Variants in CTNNA2 observed in about 807,000 individuals in gnomAD.
The protein encoded by CTNNA2 is catenin alpha-2.
Under a neutral mutation model 101.0 loss-of-function variants are expected in CTNNA2, and 42 were observed. The observed-to-expected ratio is 0.42, with a 90% CI of 0.32 to 0.54. The LOEUF (loss-of-function observed/expected upper bound fraction) is 0.54, where lower values mean the gene tolerates loss of function less well. Among genes scored for constraint, CTNNA2 ranks in the 20% least tolerant of loss-of-function variants. The pLI, the probability that CTNNA2 is intolerant of heterozygous loss-of-function variation, is 0.14. For synonymous variants in CTNNA2, 450 were observed against 456.4 expected (o/e 0.99, Z 0.18); for missense variants, 871 against 1,223.1 (o/e 0.71, Z 4.29).
chr2:80,503,620 T>G lies in CTNNA2; in HGVS notation c.1291-41362T>G, dbSNP rs139965692. ...CTCTTAGAGACCTAATTCAGTGCTT[T>G]AAGTTTCTGATGGGCCTTTATTATG... On this transcript the variant is annotated intron_variant, in intron 9 of 18. Transcript: ENST00000402739. 4.9e-4 allele frequency among the ~76,000 whole-genome samples: 74 copies of G among 152,246 alleles called. No individual in the cohort carries two copies. In the East Asian group the frequency reaches 0.012, roughly 25 times the overall value.
At chr2:80,479,641 A>G (rs1021672433) in intron 9 of CTNNA2, among the ~76,000 whole-genome samples, 6 of 152,164 alleles carry the variant, frequency 3.9e-5, no homozygotes, top group African/African-American at 1.4e-4. Flanking sequence ...ATAGGCAGAT[A>G]TGGAGGAAAG....
chr2:79,239,926 C>A (rs1001680426), intron 2 of CTNNA2, among the ~76,000 whole-genome samples: 1 of 128,108 alleles, frequency 7.8e-6, no homozygotes, highest in African/African-American at 2.8e-5. Context: ...GGCCAGTTTT[C>A]TTTTTCTTTC....
At chr2:79,441,316 T>A (rs76663904) in intron 4 of CTNNA2, among the ~76,000 whole-genome samples, 1 of 152,216 alleles carries the variant, frequency 6.6e-6, no homozygotes, top group Admixed American at 6.5e-5. Flanking sequence ...ATATGTATCA[T>A]CTCTACAACT....
chr2:79,753,267 G>A (rs1291889226), intron 3 of CTNNA2, among the ~76,000 whole-genome samples: 3 of 152,172 alleles, frequency 2.0e-5, no homozygotes, highest in Non-Finnish European at 2.9e-5. Flanking sequence ...TATATGGTAT[G>A]TAACTGCATC....
intron 7 of CTNNA2, among the ~76,000 whole-genome samples, chr2:80,141,661 C>T (rs928275439): frequency 6.6e-6 from 1 of 151,960 alleles, no homozygotes; most frequent in Non-Finnish European, 1.5e-5. Context: ...GCAGGGATCA[C>T]TCTTAGGGGT....
chr2:79,368,654 G>A (rs1677802745), intron 3 of CTNNA2, among the ~76,000 whole-genome samples: 1 of 152,150 alleles, frequency 6.6e-6, no homozygotes, highest in Non-Finnish European at 1.5e-5. Context: ...CACATGACAG[G>A]CTTATTAGAG....
At chr2:80,506,382 T>A (rs1688280839) in intron 9 of CTNNA2, among the ~76,000 whole-genome samples, 1 of 151,950 alleles carries the variant, frequency 6.6e-6, no homozygotes, top group African/African-American at 2.4e-5. Flanking sequence ...CAAAAAATAA[T>A]GTTAGTGGGG....
intron 7 of CTNNA2, among the ~76,000 whole-genome samples, chr2:80,337,026 C>T (rs1245930614): frequency 6.6e-6 from 1 of 152,126 alleles, no homozygotes; most frequent in Non-Finnish European, 1.5e-5. Flanking sequence ...GGCAAATTAC[C>T]TGGAAATGTT....
chr2:79,343,723 G>GATTATT lies in CTNNA2; in HGVS notation c.-317-30077_-317-30072dup, dbSNP rs71385268. ...GTAACAATGGCCTGAAGACACGGAC[G>GATTATT]ATTATTATTATTATTATTATTATTA... On this transcript the variant is annotated intron_variant, in intron 3 of 21. Coordinates refer to the CTNNA2 transcript ENST00000466387. Among the ~76,000 whole-genome samples the GATTATT allele has an allele frequency of 8.7e-3, 1,288 of 147,954 alleles. 17 individuals carry two copies. The highest frequency in any genetic ancestry group is 0.028 in the African/African-American group (1,115 of 40,072).
At chr2:79,300,773 A>G (rs1379526272) in intron 2 of CTNNA2, among the ~76,000 whole-genome samples, 1 of 152,128 alleles carries the variant, frequency 6.6e-6, no homozygotes, top group East Asian at 1.9e-4. Context: ...GATTTCAGCT[A>G]TGCCCTCCTT....
chr2:80,149,495 C>T (rs542294444), intron 7 of CTNNA2, among the ~76,000 whole-genome samples: 16 of 152,276 alleles, frequency 1.1e-4, no homozygotes, highest in African/African-American at 3.8e-4. Context: ...CTGTTCACTA[C>T]AGCCAATTAC....
At chr2:80,459,549 A>G (rs1401671507) in intron 9 of CTNNA2, among the ~76,000 whole-genome samples, 2 of 152,172 alleles carry the variant, frequency 1.3e-5, no homozygotes, top group East Asian at 3.9e-4. Flanking sequence ...AGCCAGGGAA[A>G]AAATGCCTTG....
chr2:79,389,109 G>A (rs546970649), intron 4 of CTNNA2, among the ~76,000 whole-genome samples: 108 of 152,240 alleles, frequency 7.1e-4, no homozygotes, highest in African/African-American at 2.4e-3. Flanking sequence ...TTTTAAAGAA[G>A]AATTTGGGAG....
intron 2 of CTNNA2, among the ~76,000 whole-genome samples, chr2:79,702,140 G>A (rs1024064087): frequency 2.6e-5 from 4 of 151,892 alleles, no homozygotes; most frequent in Non-Finnish European, 5.9e-5. Context: ...CGGAGATGAT[G>A]ACTGAGTGAG....
At chr2:79,501,826 T>C (rs1260972402) in intron 4 of CTNNA2, among the ~76,000 whole-genome samples, 1 of 152,158 alleles carries the variant, frequency 6.6e-6, no homozygotes, top group Non-Finnish European at 1.5e-5. Flanking sequence ...AGAGCATTAA[T>C]TGGGAAAGAA....
intron 2 of CTNNA2, among the ~76,000 whole-genome samples, chr2:79,665,893 G>T (rs1453350366): frequency 6.6e-6 from 1 of 152,162 alleles, no homozygotes; most frequent in Admixed American, 6.5e-5. Flanking sequence ...ACCAAATGTA[G>T]CTGTTATTGT....
At chr2:80,199,945 T>C (rs1007608592) in intron 7 of CTNNA2, among the ~76,000 whole-genome samples, 9 of 152,194 alleles carry the variant, frequency 5.9e-5, no homozygotes, top group Admixed American at 3.9e-4. Context: ...GCAGGAGGTT[T>C]CACCAGGAGC....
At chr2:80,586,192 G>A (rs984536775) in intron 14 of CTNNA2, 10 of 152,184 alleles carry the variant, frequency 6.6e-5, no homozygotes, top group African/African-American at 2.4e-4. Flanking sequence ...GAAGTTAGCA[G>A]TAGGGCATTA....
intron 1 of CTNNA2, chr2:79,195,885 AG>A: frequency 2.0e-6 from 1 of 499,232 alleles, no homozygotes; most frequent in Non-Finnish European, 4.0e-6. Context: ...ATAAGAAATT[AG>A]GGGGCAGAGG....
Sources: allele counts gnomAD v4.1 joint callset (sites outside exome capture counted in the v4.1 genomes callset), GRCh38; gene constraint gnomAD v4.1.1; transcripts MANE v1.5; gene names NCBI Gene and HGNC (gene_info 2026-07-23, HGNC 2026-07-21).